PCDHGB2: variants seen among roughly 807,000 people sequenced by gnomAD.
PCDHGB2 encodes the protein protocadherin gamma-B2.
In PCDHGB2, 55 loss-of-function variants were observed where a neutral mutation model predicts 59.3. That is an observed-to-expected ratio of 0.93 (90% CI 0.75 to 1.16). PCDHGB2 has a LOEUF of 1.16. Among genes scored for constraint, PCDHGB2 ranks in the 50% most tolerant of loss-of-function variants. The pLI is 0.00. For missense variants in PCDHGB2, 1,228 were observed against 1,198.5 expected, an observed-to-expected ratio of 1.02 and a Z score of -0.36; for synonymous variants, 516 against 512.0, an observed-to-expected ratio of 1.01 and a Z score of -0.11.
In PCDHGB2 at chr5:141,422,435, A is replaced by G. The variant is rs199795822; in HGVS notation, c.2421+59879A>G. 7.8e-4 allele frequency: 1,254 copies of G among 1,609,700 alleles called. 7 individuals are homozygous for G. The highest frequency in any genetic ancestry group is 2.1e-3 in the South Asian group (193 of 90,090). Reference sequence around the variant, plus strand: ...TTAGAAAAGACTTATGGAAATTATTACAAATTGATAACAAGCAGAGTGCTG... The same window carrying G: ...TTAGAAAAGACTTATGGAAATTATTGCAAATTGATAACAAGCAGAGTGCTG... On this transcript the variant is annotated intron_variant, in intron 1 of 3. Transcript: ENST00000522605.
rs749832081 is a variant in PCDHGB2, at chr5:141,360,505, C to G, written c.370C>G (p.Gln124Glu). The change falls in exon 1 of 4, where the codon CAG becomes GAG. Residue 124 changes from glutamine to glutamate, a missense_variant. Coordinates refer to ENST00000522605, the MANE Select transcript of PCDHGB2 (RefSeq NM_018923.3). ...LNIFYIAVIV[Q>E]DINDNTPLFK... ...TATTTTCTACATAGCAGTAATTGTG[C>G]AGGATATAAATGATAATACCCCGCT... 5 of 1,613,778 alleles carry G rather than the reference C, an allele frequency of 3.1e-6. No individual in the cohort carries two copies. The Admixed American group carries it at 8.3e-5, about 27-fold the overall frequency.
chr5:141,456,390 T>G (rs1007800936), intron 1 of PCDHGB2, among the ~76,000 whole-genome samples: 2 of 152,114 alleles, frequency 1.3e-5, no homozygotes, highest in African/African-American at 4.8e-5. Context: ...CGTTTGGAGT[T>G]TGATTGCTTC....
chr5:141,423,241 G>A (rs1485226833), intron 1 of PCDHGB2: 19 of 1,613,954 alleles, frequency 1.2e-5, no homozygotes, highest in Non-Finnish European at 1.4e-5. Flanking sequence ...CATCCCCGAA[G>A]TCCTGGCGGA....
chr5:141,404,596 G>A, intron 1 of PCDHGB2: 1 of 1,614,080 alleles, frequency 6.2e-7, no homozygotes, highest in Non-Finnish European at 8.5e-7. Context: ...ATGTGTCATT[G>A]AGACTGTTTG....
At chr5:141,376,223 C>T (rs1772425823) in intron 1 of PCDHGB2, 1 of 1,614,084 alleles carries the variant, frequency 6.2e-7, no homozygotes, top group Non-Finnish European at 8.5e-7. Context: ...GCTGCTGGCG[C>T]TCAGACTGCA....
rs1779505290 is a variant in PCDHGB2, at chr5:141,383,837, C to A, written c.2421+21281C>A. On this transcript the variant is annotated intron_variant, in intron 1 of 3. Transcript: ENST00000522605. ...GAAGGATTAGATTATGAAGAAACTG[C>A]CTTCTATGAAATGGAGGTTCAGGCT... 1 of 1,613,886 alleles carries A rather than the reference C, an allele frequency of 6.2e-7. No homozygotes were observed. The highest frequency in any genetic ancestry group is 1.1e-5 in the South Asian group (1 of 91,078).
intron 1 of PCDHGB2, chr5:141,433,149 C>A (rs758972664): frequency 1.2e-6 from 2 of 1,613,856 alleles, no homozygotes; most frequent in Non-Finnish European, 1.7e-6. Context: ...TCAGGTGATT[C>A]GGTATTTTCT....
intron 1 of PCDHGB2, among the ~76,000 whole-genome samples, chr5:141,474,082 CA>C (rs1449032579): frequency 1.3e-5 from 2 of 151,946 alleles, no homozygotes; most frequent in Non-Finnish European, 2.9e-5. Flanking sequence ...AAACAAAAAC[CA>C]AAAAACAAAC....
chr5:141,447,689 AG>A lies in PCDHGB2; in HGVS notation c.2422-47115del, dbSNP rs145694922. ...TTAGAACTGTTCCATATCTTGATAGAGGGATGGGTTATAAGGATGTACACAT... is the reference window on the plus strand; with the variant it reads ...TTAGAACTGTTCCATATCTTGATAGAGGATGGGTTATAAGGATGTACACAT... On this transcript the variant is annotated intron_variant, in intron 1 of 3. Coordinates refer to ENST00000522605, the MANE Select transcript of PCDHGB2 (RefSeq NM_018923.3). Among the ~76,000 whole-genome samples the A allele has an allele frequency of 4.6e-3, 694 of 152,302 alleles. 4 individuals are homozygous for A. The highest frequency in any genetic ancestry group is 0.015 in the African/African-American group (633 of 41,566).
chr5:141,368,497 A>G (rs575171402), intron 1 of PCDHGB2, among the ~76,000 whole-genome samples: 1 of 152,306 alleles, frequency 6.6e-6, no homozygotes, highest in East Asian at 1.9e-4. Flanking sequence ...TCTATACAGT[A>G]GGTGTCGACA....
chr5:141,457,504 A>G (rs2098922754), intron 1 of PCDHGB2, among the ~76,000 whole-genome samples: 1 of 152,222 alleles, frequency 6.6e-6, no homozygotes, highest in Non-Finnish European at 1.5e-5. Context: ...GTAGGCAAAA[A>G]GCTTAAAAAC....
At chr5:141,375,273 C>T in intron 1 of PCDHGB2, 1 of 1,613,854 alleles carries the variant, frequency 6.2e-7, no homozygotes, top group Non-Finnish European at 8.5e-7. Flanking sequence ...TTGGAAAAAT[C>T]AGTTGGCAAT....
At position 141,431,374 on chromosome 5, in the gene PCDHGB2, G is replaced by T. The variant is rs1561851775; in HGVS notation, c.2422-63433G>T. On this transcript the variant is annotated intron_variant, in intron 1 of 3. Coordinates refer to ENST00000522605, the MANE Select transcript of PCDHGB2 (RefSeq NM_018923.3). The surrounding 1 kb of genome is among the most constrained non-coding windows in gnomAD (Gnocchi z 4.8). ...AACGCGCCCTGGACCGCGAAGAAAA[G>T]GCTGCTCACCACCTGGTCCTTACGG... 1.9e-6 allele frequency: 3 copies of T among 1,613,862 alleles called. No individual in the cohort carries two copies. Among genetic ancestry groups the T allele is most frequent in the Non-Finnish European group, 2.5e-6 (3 of 1,180,044 alleles).
intron 1 of PCDHGB2, chr5:141,404,899 T>C (rs768489392): frequency 6.2e-7 from 1 of 1,613,718 alleles, no homozygotes; most frequent in East Asian, 2.2e-5. Flanking sequence ...TACAGGACCA[T>C]GGCCAGCCCC....
intron 1 of PCDHGB2, chr5:141,383,685 C>T: frequency 3.1e-6 from 5 of 1,614,018 alleles, no homozygotes; most frequent in Non-Finnish European, 4.2e-6. Context: ...CAAGACTGCT[C>T]ACGGTACATG....
rs1248867280 is a variant in PCDHGB2 at position 141,511,325 on chromosome 5, C to T, written c.*152C>T. 18 of 1,466,406 alleles carry T rather than the reference C, an allele frequency of 1.2e-5. No homozygotes were observed. Among genetic ancestry groups the T allele is most frequent in the Non-Finnish European group, 1.5e-5 (17 of 1,099,872 alleles). 90.8% of individuals were successfully genotyped at this position (1,466,406 alleles called of 1,614,324 possible). A position where few individuals can be genotyped will look rare whatever the true frequency, so the allele number is the denominator to read the frequency against. On this transcript the variant is annotated 3_prime_UTR_variant, in exon 4 of 4. Coordinates refer to ENST00000522605, the MANE Select transcript of PCDHGB2 (RefSeq NM_018923.3). ...TCCCCTTGGGAAACAGAAACAAGTG[C>T]CCAGTCAGCACCTACCCCTTCCCCC...
chr5:141,459,139 A>G (rs1592605909), intron 1 of PCDHGB2, among the ~76,000 whole-genome samples: 1 of 152,360 alleles, frequency 6.6e-6, no homozygotes, highest in Non-Finnish European at 1.5e-5. Flanking sequence ...ACCACCATGC[A>G]ATCAAAATAT....
At chr5:141,418,344 T>G (rs746519142) in intron 1 of PCDHGB2, 1 of 1,614,008 alleles carries the variant, frequency 6.2e-7, no homozygotes, top group Non-Finnish European at 8.5e-7. Context: ...GATCCTGATA[T>G]TAGTATGAAT....
intron 1 of PCDHGB2, chr5:141,423,735 G>A (rs2096770441): frequency 1.3e-6 from 1 of 777,372 alleles, no homozygotes; most frequent in African/African-American, 2.5e-5. Context: ...TTTTGAGCCT[G>A]TTATGAAAAC....
Sources: allele counts gnomAD v4.1 joint callset (sites outside exome capture counted in the v4.1 genomes callset), GRCh38; gene constraint gnomAD v4.1.1; non-coding constraint Gnocchi (gnomAD v3.1); transcripts MANE v1.5; gene names NCBI Gene and HGNC (gene_info 2026-07-23, HGNC 2026-07-21).